The following ZNF99 variants were observed in gnomAD, a reference collection of about 807,000 sequenced individuals.
ZNF99 encodes zinc finger protein 99.
A neutral mutation model predicts 12.8 loss-of-function variants in ZNF99; 8 were observed. That is an observed-to-expected ratio of 0.62 (90% CI 0.37 to 1.13). The LOEUF (loss-of-function observed/expected upper bound fraction) is 1.13. Ranked by LOEUF, ZNF99 falls within the 50% of genes most tolerant of loss-of-function variation. The probability of loss-of-function intolerance (pLI) is 0.02; values close to 1 mark genes in which losing one functional copy is unlikely to be tolerated. For synonymous variants in ZNF99, 318 were observed against 319.0 expected, an observed-to-expected ratio of 1.00 and a Z score of 0.03; for missense variants, 1,007 against 1,006.2, an observed-to-expected ratio of 1.00 and a Z score of -0.01.
chr19:22,777,427 G>A (rs1305519106), intron 1 of ZNF99, among the ~76,000 whole-genome samples: 2 of 152,074 alleles, frequency 1.3e-5, no homozygotes, highest in African/African-American at 4.8e-5. Flanking sequence ...ATACCTGTGT[G>A]GTGCTGTGCT....
chr19:22,776,891 G>A (rs1973335944), intron 1 of ZNF99, among the ~76,000 whole-genome samples: 2 of 151,954 alleles, frequency 1.3e-5, no homozygotes, highest in Admixed American at 6.6e-5. Flanking sequence ...CATGCCTGTA[G>A]TTCCAGCACT....
chr19:22,757,518 A>T lies in ZNF99; in HGVS notation c.2391T>A (p.Ala797=). ...KPYKCEECGK[A]FNNSSTLRKH... ...TTCTAAGGGTTGAGGAATTGTTAAA[A>T]GCTTTGCCACATTCTTCACATTTAT... is the stretch of plus-strand genomic sequence containing the variant. The change falls in exon 4 of 4, where the codon GCT becomes GCA. Residue 797 remains alanine, a synonymous_variant. Coordinates refer to ENST00000596209, the MANE Select transcript of ZNF99 (RefSeq NM_001080409.3). 1 of 1,611,034 alleles carries T rather than the reference A, an allele frequency of 6.2e-7. No homozygotes were observed. The highest frequency in any genetic ancestry group is 8.5e-7 in the Non-Finnish European group (1 of 1,179,568).
rs1973422294 is a variant in ZNF99, at chr19:22,784,117, G to C, written c.-101C>G. 2.9e-6 allele frequency: 4 copies of C among 1,360,336 alleles called. No homozygotes were observed. Among genetic ancestry groups the C allele is most frequent in the South Asian group, 2.6e-5 (2 of 77,640 alleles). The allele number at this position is 1,360,336 out of a possible 1,614,324, so 84.3% of individuals were successfully genotyped here. ...TAAGGACACAGAGCAGTAAAAACGA[G>C]ATCCGGAGCTCCAGCTGGAACCAGA... is the stretch of plus-strand genomic sequence containing the variant. On this transcript the variant is annotated 5_prime_UTR_variant, in exon 1 of 4. The change creates a new upstream start codon in the 5' untranslated region. Transcript: ENST00000596209.
chr19:22,770,345 A>T (rs1454752358), intron 1 of ZNF99: 1 of 151,674 alleles, frequency 6.6e-6, no homozygotes, highest in African/African-American at 2.5e-5. Flanking sequence ...CTATACTGAA[A>T]AAACCTGTCA....
chr19:22,775,318 C>A (rs1973314285), intron 1 of ZNF99, among the ~76,000 whole-genome samples: 2 of 152,128 alleles, frequency 1.3e-5, no homozygotes, highest in Admixed American at 6.5e-5. Flanking sequence ...GAAGAAATCC[C>A]TATTTAATAA....
intron 3 of ZNF99, among the ~76,000 whole-genome samples, chr19:22,765,518 C>A (rs1973194190): frequency 6.6e-6 from 1 of 151,384 alleles, no homozygotes; most frequent in Admixed American, 6.6e-5. Flanking sequence ...AAGTAGTACA[C>A]AGGTTACTTG....
At chr19:22,766,295 A>C (rs542889336) in intron 3 of ZNF99, among the ~76,000 whole-genome samples, 1 of 151,028 alleles carries the variant, frequency 6.6e-6, no homozygotes, top group South Asian at 2.1e-4. Context: ...AAAAAAAAAA[A>C]ACATAAAACA....
Position 22,758,708 on chromosome 19 carries a change from C to T in ZNF99, c.1201G>A (p.Glu401Lys). 2 of 1,613,498 alleles carry T rather than the reference C, an allele frequency of 1.2e-6. No individual in the cohort carries two copies. The highest frequency in any genetic ancestry group is 1.1e-5 in the South Asian group (1 of 91,068). The change falls in exon 4 of 4, where the codon GAA (glutamate) becomes AAA (lysine). Residue 401 changes from glutamate (E) to lysine (K), a missense_variant. Glu to Lys is a moderately conservative substitution (Grantham distance 56). Transcript: ENST00000596209. ...GACCACTTAAAAGCTTTACCACATT[C>T]TTCACATTTGTAGGGTTTCTGTCCA... ...HTGQKPYKCEECGKAFKWSSK... is the reference protein window; with the variant it reads ...HTGQKPYKCEKCGKAFKWSSK...
intron 3 of ZNF99, among the ~76,000 whole-genome samples, chr19:22,766,530 G>A (rs1220557702): frequency 6.6e-6 from 1 of 151,452 alleles, no homozygotes; most frequent in Non-Finnish European, 1.5e-5. Context: ...GTAGAGACGG[G>A]GTTTCATTGT....
intron 3 of ZNF99, among the ~76,000 whole-genome samples, chr19:22,767,131 A>G (rs1313978716): frequency 1.3e-5 from 2 of 151,582 alleles, no homozygotes; most frequent in African/African-American, 4.8e-5. Flanking sequence ...AAAAAAACCA[A>G]AAAACTAGCT....
At position 22,784,003 on chromosome 19, in the gene ZNF99, G is replaced by T; in HGVS notation, c.3+11C>A. On this transcript the variant is annotated intron_variant, in intron 1 of 3. Transcript: ENST00000596209. ...TTCCCCTTCTCAGGATATCGGACCC[G>T]GCACTCTCACCATTTCTAAGCTTCC... 1 of 1,613,752 alleles carries T rather than the reference G, an allele frequency of 6.2e-7. No homozygotes were observed. The highest frequency in any genetic ancestry group is 8.5e-7 in the Non-Finnish European group (1 of 1,179,912).
chr19:22,763,418 T>C (rs1973170822), intron 3 of ZNF99, among the ~76,000 whole-genome samples: 1 of 151,624 alleles, frequency 6.6e-6, no homozygotes, highest in Non-Finnish European at 1.5e-5. Flanking sequence ...GGAATATACC[T>C]AACCAAGGAG....
chr19:22,765,785 G>T (rs1973197086), intron 3 of ZNF99, among the ~76,000 whole-genome samples: 1 of 151,758 alleles, frequency 6.6e-6, no homozygotes, highest in African/African-American at 2.4e-5. Flanking sequence ...AAGAGTTCAA[G>T]ATCAGCCCCA....
chr19:22,766,141 A>G (rs563245701), intron 3 of ZNF99, among the ~76,000 whole-genome samples: 19 of 151,694 alleles, frequency 1.3e-4, no homozygotes, highest in East Asian at 1.2e-3. Flanking sequence ...TAATCTTAAG[A>G]TGTTTTACAT....
chr19:22,756,411 T>C lies in ZNF99; in HGVS notation c.*903A>G, dbSNP rs751277283. 1.8e-5 allele frequency: 28 copies of C among 1,589,276 alleles called. 2 individuals carry two copies. The highest frequency in any genetic ancestry group is 4.5e-5 in the African/African-American group (3 of 66,362). ...CCAGAATGAATTATCTTATGTTTAG[T>C]AAGGTTTGAGGACTAAATGCTTTAC... On this transcript the variant is annotated 3_prime_UTR_variant, in exon 4 of 4. Coordinates refer to ENST00000596209, the MANE Select transcript of ZNF99 (RefSeq NM_001080409.3).
chr19:22,767,466 G>C (rs1486610852), intron 3 of ZNF99, among the ~76,000 whole-genome samples: 1 of 152,072 alleles, frequency 6.6e-6, no homozygotes, highest in African/African-American at 2.4e-5. Context: ...TGAGGTAGTC[G>C]TAATTATATT....
At chr19:22,775,836 C>T (rs1973319854) in intron 1 of ZNF99, among the ~76,000 whole-genome samples, 1 of 151,924 alleles carries the variant, frequency 6.6e-6, no homozygotes, top group Non-Finnish European at 1.5e-5. Context: ...ACCAGCCTGG[C>T]CAAGAGGGTG....
At position 22,756,242 on chromosome 19, in the gene ZNF99, G is replaced by T; in HGVS notation, c.*1072C>A. Reference sequence around the variant, plus strand: ...CCCAGTATGAATTATCTTATGTTTAGTAAGGGCTGAAAGATGGTTAAAAGC... The same window carrying T: ...CCCAGTATGAATTATCTTATGTTTATTAAGGGCTGAAAGATGGTTAAAAGC... On this transcript the variant is annotated 3_prime_UTR_variant, in exon 4 of 4. Transcript: ENST00000596209. The T allele has an allele frequency of 1.3e-6, 2 of 1,535,780 alleles. No homozygotes were observed. Among genetic ancestry groups the T allele is most frequent in the Non-Finnish European group, 1.7e-6 (2 of 1,144,362 alleles).
chr19:22,766,479 C>A (rs1973205261), intron 3 of ZNF99, among the ~76,000 whole-genome samples: 1 of 151,400 alleles, frequency 6.6e-6, no homozygotes, highest in Non-Finnish European at 1.5e-5. Context: ...GCTAGGACTA[C>A]AGGCACGTGC....
Sources: gnomAD v4.1 joint callset for allele counts (sites outside exome capture counted in the v4.1 genomes callset) on GRCh38, gnomAD v4.1.1 for gene constraint, MANE v1.5 for transcripts, NCBI Gene and HGNC (gene_info 2026-07-23, HGNC 2026-07-21) for gene names.